Variants in CALCR observed in about 807,000 individuals in gnomAD.
The protein encoded by CALCR is calcitonin receptor.
A neutral mutation model predicts 59.5 loss-of-function variants in CALCR; 47 were observed. That is an observed-to-expected ratio of 0.79 (90% confidence interval 0.63 to 1.01). The LOEUF (loss-of-function observed/expected upper bound fraction) is 1.01. Ranked by LOEUF, CALCR falls within the 50% of genes least tolerant of loss-of-function variation. The probability of loss-of-function intolerance (pLI) is 0.00; values close to 1 mark genes in which losing one functional copy is unlikely to be tolerated. For synonymous variants in CALCR, 213 were observed against 211.3 expected (o/e 1.01, Z -0.07); for missense variants, 566 against 597.1 (o/e 0.95, Z 0.54).
rs374172227 is a variant in CALCR at position 93,438,174 on chromosome 7, T to C, written c.863+36A>G. ...TTAATACACAAATACATTTTGTTTA[T>C]GAATATGTTAACTTAAACATCACCA... On this transcript the variant is annotated intron_variant, in intron 10 of 13. Coordinates refer to ENST00000426151, the MANE Select transcript of CALCR (RefSeq NM_001742.4). 2.5e-6 allele frequency: 4 copies of C among 1,610,494 alleles called. No homozygotes were observed. The Admixed American group carries it at 5.0e-5, about 20-fold the overall frequency.
intron 2 of CALCR, among the ~76,000 whole-genome samples, chr7:93,532,205 A>G (rs1788858644): frequency 1.3e-5 from 2 of 152,036 alleles, no homozygotes; most frequent in Non-Finnish European, 2.9e-5. Context: ...TGGGAGAGAG[A>G]CTGCTAAAGA....
At chr7:93,479,279 A>G in intron 4 of CALCR, 75 bp downstream of exon 4, 1 of 1,391,184 alleles carries the variant, frequency 7.2e-7, no homozygotes, top group Non-Finnish European at 9.8e-7. Context: ...AAATTATTCA[A>G]CACATATTTA....
intron 2 of CALCR, among the ~76,000 whole-genome samples, chr7:93,551,344 A>T (rs1202732619): frequency 1.3e-5 from 2 of 152,240 alleles, no homozygotes; most frequent in African/African-American, 4.8e-5. Flanking sequence ...TTTGTCAGGG[A>T]TGAAGCTCTG....
chr7:93,479,890 A>G (rs945276684), intron 3 of CALCR, among the ~76,000 whole-genome samples: 1 of 151,968 alleles, frequency 6.6e-6, no homozygotes, highest in South Asian at 2.1e-4. Context: ...CTTAAGAATC[A>G]TGAATCATGT....
chr7:93,464,596 A>G (rs79800737), intron 7 of CALCR, among the ~76,000 whole-genome samples: 2 of 152,138 alleles, frequency 1.3e-5, no homozygotes, highest in East Asian at 3.9e-4. Context: ...TTGACAAGAG[A>G]CTTTATGCCT....
chr7:93,493,899 G>A (rs1186069396), intron 2 of CALCR, among the ~76,000 whole-genome samples: 1 of 151,352 alleles, frequency 6.6e-6, no homozygotes, highest in Non-Finnish European at 1.5e-5. Flanking sequence ...TGGTGTGAAA[G>A]TTGGAGTTTT....
At chr7:93,488,734 C>T (rs1801007128) in intron 2 of CALCR, among the ~76,000 whole-genome samples, 1 of 151,714 alleles carries the variant, frequency 6.6e-6, no homozygotes. Flanking sequence ...TATATATGCA[C>T]CCTATACAGG....
intron 2 of CALCR, among the ~76,000 whole-genome samples, chr7:93,546,714 G>T (rs67539677): frequency 0.2 from 29,086 of 145,652 alleles, 3,451 homozygotes; most frequent in East Asian, 0.37. Context: ...GACCACACTT[G>T]GATAATTTTT....
chr7:93,558,116 CT>C (rs1383514918), intron 2 of CALCR, among the ~76,000 whole-genome samples: 2 of 147,816 alleles, frequency 1.4e-5, no homozygotes, highest in Non-Finnish European at 1.5e-5. Flanking sequence ...ATCTTGTAGT[CT>C]TTTTTAACAC....
intron 3 of CALCR, among the ~76,000 whole-genome samples, chr7:93,486,454 GA>G (rs1425960043): frequency 6.6e-6 from 1 of 151,412 alleles, no homozygotes; most frequent in South Asian, 2.1e-4. Flanking sequence ...AGTTTTTGAT[GA>G]AAAATACATT....
At chr7:93,513,809 G>A (rs1468181) in intron 2 of CALCR, among the ~76,000 whole-genome samples, 121,832 of 150,598 alleles carry the variant, frequency 0.81, 49,513 homozygotes, top group African/African-American at 0.87. Flanking sequence ...AAATAAATAT[G>A]TAGATATTTG....
At chr7:93,448,287 A>G (rs1229109201) in intron 8 of CALCR, among the ~76,000 whole-genome samples, 1 of 152,038 alleles carries the variant, frequency 6.6e-6, no homozygotes, top group Non-Finnish European at 1.5e-5. Flanking sequence ...GGTTAGGTAC[A>G]ATAACACATT....
intron 2 of CALCR, among the ~76,000 whole-genome samples, chr7:93,497,297 T>C (rs1801228597): frequency 1.3e-5 from 2 of 151,826 alleles, no homozygotes; most frequent in Middle Eastern, 3.4e-3. Flanking sequence ...TTAGCTCTTA[T>C]TGAGCACATT....
intron 13 of CALCR, among the ~76,000 whole-genome samples, chr7:93,432,720 T>A (rs887377039): frequency 2.2e-4 from 34 of 152,290 alleles, no homozygotes; most frequent in African/African-American, 7.7e-4. Context: ...CTTGTGTTTT[T>A]CCAGGTATGC....
At chr7:93,458,801 C>T (rs1184550089) in intron 8 of CALCR, among the ~76,000 whole-genome samples, 1 of 152,112 alleles carries the variant, frequency 6.6e-6, no homozygotes, top group Non-Finnish European at 1.5e-5. Flanking sequence ...TTACTAGATT[C>T]CAGCGTATTG....
At chr7:93,429,578 C>T (rs80107090) in intron 13 of CALCR, among the ~76,000 whole-genome samples, 2 of 152,042 alleles carry the variant, frequency 1.3e-5, no homozygotes, top group Non-Finnish European at 2.9e-5. Context: ...TAATATTTGG[C>T]CTTTGTATAT....
intron 2 of CALCR, 134 bp from the exon 3 acceptor site, chr7:93,487,141 A>T: frequency 1.8e-6 from 1 of 568,044 alleles, no homozygotes; most frequent in South Asian, 2.3e-5. Context: ...CACACGTAAG[A>T]AAAAACAGTA....
Position 93,486,904 on chromosome 7 carries a change from G to A in CALCR, c.51+27C>T, listed in dbSNP as rs762613206. On this transcript the variant is annotated intron_variant, in intron 3 of 13. Transcript: ENST00000426151. ...CTTATTCAGCATTCTTCATTAGCAT[G>A]GCTTTGAATACTTTTGTTTTACTTA... 2.3e-6 allele frequency: 3 copies of A among 1,328,876 alleles called. No individual in the cohort carries two copies. The African/African-American group carries it at 4.4e-5, about 20-fold the overall frequency. 82.3% of individuals were successfully genotyped at this position (1,328,876 alleles called of 1,614,324 possible).
intron 7 of CALCR, among the ~76,000 whole-genome samples, chr7:93,464,038 G>C (rs1038250741): frequency 2.4e-4 from 37 of 152,006 alleles, no homozygotes; most frequent in Admixed American, 2.0e-4. Context: ...ATTTACTTGA[G>C]TATGAATCTC....
Sources: allele counts gnomAD v4.1 joint callset (sites outside exome capture counted in the v4.1 genomes callset), GRCh38; gene constraint gnomAD v4.1.1; transcripts MANE v1.5; gene names NCBI Gene and HGNC (gene_info 2026-07-23, HGNC 2026-07-21).